The following SASH1 variants were observed in gnomAD, a reference collection of about 807,000 sequenced individuals.
SASH1 encodes SAM and SH3 domain-containing protein 1.
SASH1 carries 44 observed loss-of-function variants against 125.2 expected under a neutral mutation model. The observed-to-expected ratio is 0.35, with a 90% CI of 0.28 to 0.45. The LOEUF (loss-of-function observed/expected upper bound fraction) is 0.45. Ranked by LOEUF, SASH1 falls within the 20% of genes least tolerant of loss-of-function variation. SASH1 has a pLI of 1.00. For synonymous variants in SASH1, 639 were observed against 649.1 expected (o/e 0.98, Z 0.24); for missense variants, 1,426 against 1,614.5 (o/e 0.88, Z 2.00).
Position 148,549,009 on chromosome 6 carries a change from T to G in SASH1, c.*451T>G, listed in dbSNP as rs1191250641. 6.3e-6 allele frequency: 1 copy of G among 158,504 alleles called. No individual in the cohort carries two copies. The highest frequency in any genetic ancestry group is 1.4e-5 in the Non-Finnish European group (1 of 72,604). The allele number at this position is 158,504 out of a possible 1,614,324, so 9.8% of individuals were successfully genotyped here. A position where few individuals can be genotyped will look rare whatever the true frequency, so the allele number is the denominator to read the frequency against. ...CCAAAGTAACAGACTCAAGAGTTAT[T>G]GTACATTACTGACCACGCTCATTTG... is the stretch of plus-strand genomic sequence containing the variant. On this transcript the variant is annotated 3_prime_UTR_variant, in exon 20 of 20. Transcript: ENST00000367467.
chr6:148,260,348 C>T, the SASH1 span, among the ~76,000 whole-genome samples: 3 of 151,938 alleles, frequency 2.0e-5, no homozygotes, highest in Non-Finnish European at 1.5e-5. Flanking sequence ...TGACTCATGC[C>T]TGTAATCTCA....
chr6:148,251,327 G>A, the SASH1 span, among the ~76,000 whole-genome samples: 1 of 152,126 alleles, frequency 6.6e-6, no homozygotes. Flanking sequence ...TGTCCAATCA[G>A]AATTTTTTTC....
the SASH1 span, among the ~76,000 whole-genome samples, chr6:148,202,473 A>G: frequency 2.6e-5 from 4 of 152,138 alleles, no homozygotes; most frequent in African/African-American, 9.7e-5. Flanking sequence ...GGGCTGGTCT[A>G]CCCTGCTAGG....
At position 148,449,078 on chromosome 6, in the gene SASH1, C is replaced by CTTTTTTTTTTTTTTTTTTTTTTTTTTTT; in HGVS notation, c.386+8686_386+8687insTTTTTTTTTTTTTTTTTTTTTTTTTTTT. On this transcript the variant is annotated intron_variant, in intron 4 of 19. Transcript: ENST00000367467. The stretch of plus-strand genomic sequence containing the variant: ...GAGACTGGCTAATTTCATTTCATTT[C>CTTTTTTTTTTTTTTTTTTTTTTTTTTTT]TTTTTTTTTTTTTTTGGAGACAGAG... Among the ~76,000 whole-genome samples the CTTTTTTTTTTTTTTTTTTTTTTTTTTTT allele has an allele frequency of 4.7e-4, 42 of 88,688 alleles. 2 individuals carry two copies. The highest frequency in any genetic ancestry group is 6.4e-4 in the Non-Finnish European group (28 of 43,416). The allele number at this position is 88,688 out of a possible 152,430, so 58.2% of individuals were successfully genotyped here.
At chr6:148,235,822 C>T in the SASH1 span, among the ~76,000 whole-genome samples, 1 of 152,214 alleles carries the variant, frequency 6.6e-6, no homozygotes, top group Non-Finnish European at 1.5e-5. Flanking sequence ...TGGCTAGTTA[C>T]ACGTTATTTC....
intron 1 of SASH1, among the ~76,000 whole-genome samples, chr6:148,358,715 T>C (rs1270039219): frequency 6.6e-6 from 1 of 151,516 alleles, no homozygotes; most frequent in Non-Finnish European, 1.5e-5. Context: ...GTTTCCTGTT[T>C]CCTAATGCCA....
the SASH1 span, among the ~76,000 whole-genome samples, chr6:148,223,956 C>A: frequency 6.6e-6 from 1 of 152,158 alleles, no homozygotes; most frequent in Non-Finnish European, 1.5e-5. Flanking sequence ...ACTTTACCAG[C>A]ACCAAGATTT....
the SASH1 span, among the ~76,000 whole-genome samples, chr6:148,224,114 T>G: frequency 4.6e-5 from 7 of 152,142 alleles, no homozygotes; most frequent in African/African-American, 1.7e-4. Context: ...AGCAACATGG[T>G]GATAGCTTGT....
At chr6:148,503,828 T>G (rs1306741600) in intron 8 of SASH1, among the ~76,000 whole-genome samples, 1 of 151,674 alleles carries the variant, frequency 6.6e-6, no homozygotes, top group South Asian at 2.1e-4. Context: ...CATATGTGTG[T>G]GTATGGGGAA....
At chr6:148,279,388 A>G (rs1187752276) in intron 1 of SASH1, among the ~76,000 whole-genome samples, 1 of 152,212 alleles carries the variant, frequency 6.6e-6, no homozygotes, top group Non-Finnish European at 1.5e-5. Flanking sequence ...TAAATCTCCC[A>G]GGCTAATGCC....
At chr6:148,401,253 C>CAA (rs34170572) in intron 2 of SASH1, among the ~76,000 whole-genome samples, 7 of 112,290 alleles carry the variant, frequency 6.2e-5, no homozygotes, top group East Asian at 5.0e-4. Flanking sequence ...GACCCTATCT[C>CAA]AAAAAAAAAA....
At chr6:148,318,554 CT>C (rs71004283) in intron 1 of SASH1, among the ~76,000 whole-genome samples, 89,083 of 120,874 alleles carry the variant, frequency 0.74, 31,501 homozygotes, top group East Asian at 0.84. Context: ...CTACTAATTT[CT>C]TTTTTTTTTT....
chr6:148,390,231 G>A lies in SASH1; in HGVS notation c.254G>A (p.Arg85Gln), dbSNP rs751338585. ...SDVCERMEELRKRRVSQDLEV... is the reference protein window; with the variant it reads ...SDVCERMEELQKRRVSQDLEV... ...GTGTGCGAGAGGATGGAGGAGCTGC[G>A]GAAACGGCGGGTTTCCCAGGACCTG... Residue 85 changes from arginine (R) to glutamine (Q), a missense_variant, in exon 2 of 20, where the codon CGG becomes CAG. By Grantham distance (43) the Arg-to-Gln change is conservative. Transcript: ENST00000367467. 31 of 1,612,204 alleles carry A rather than the reference G, an allele frequency of 1.9e-5. No homozygotes were observed. The highest frequency in any genetic ancestry group is 4.5e-5 in the East Asian group (2 of 44,874).
intron 1 of SASH1, among the ~76,000 whole-genome samples, chr6:148,389,391 T>G (rs1463332555): frequency 3.9e-5 from 6 of 152,202 alleles, no homozygotes; most frequent in Non-Finnish European, 4.4e-5. Flanking sequence ...AAGAAACAAG[T>G]GACATGTTTA....
chr6:148,381,708 A>C (rs55857426), intron 1 of SASH1, among the ~76,000 whole-genome samples: 25,090 of 138,636 alleles, frequency 0.18, 2,506 homozygotes, highest in Middle Eastern at 0.26. Context: ...GGCTCACTGC[A>C]GCCTCTACCT....
intron 1 of SASH1, among the ~76,000 whole-genome samples, chr6:148,332,857 T>C (rs1022584959): frequency 6.6e-6 from 1 of 151,912 alleles, no homozygotes; most frequent in African/African-American, 2.4e-5. Context: ...CTTGGTGGCG[T>C]GCACCTGTAA....
chr6:148,522,328 A>G (rs1029824771), intron 10 of SASH1, among the ~76,000 whole-genome samples: 30 of 91,902 alleles, frequency 3.3e-4, no homozygotes, highest in African/African-American at 1.5e-3. Flanking sequence ...GTGTTCTATC[A>G]TCTTACAATA....
chr6:148,423,901 A>G (rs1266712279), intron 2 of SASH1, among the ~76,000 whole-genome samples: 1 of 152,120 alleles, frequency 6.6e-6, no homozygotes, highest in Non-Finnish European at 1.5e-5. Flanking sequence ...AAAAAAACTC[A>G]TGTAAACGAT....
intron 1 of SASH1, among the ~76,000 whole-genome samples, chr6:148,300,648 AT>A (rs1779915090): frequency 6.6e-6 from 1 of 151,708 alleles, no homozygotes; most frequent in African/African-American, 2.4e-5. Context: ...TTACTGGCTA[AT>A]TTTTTGTATT....
Sources: allele counts gnomAD v4.1 joint callset (sites outside exome capture counted in the v4.1 genomes callset), GRCh38; gene constraint gnomAD v4.1.1; transcripts MANE v1.5; gene names NCBI Gene and HGNC (gene_info 2026-07-23, HGNC 2026-07-21).